The following TMEFF2 variants were observed in gnomAD, a reference collection of about 807,000 sequenced individuals.
The protein encoded by TMEFF2 is tomoregulin-2.
In TMEFF2, 28 loss-of-function variants were observed where a neutral mutation model predicts 53.8. That is an observed-to-expected ratio of 0.52 (90% CI 0.39 to 0.71). TMEFF2 has a LOEUF of 0.71. Ranked by LOEUF, TMEFF2 falls within the 30% of genes least tolerant of loss-of-function variation. TMEFF2 has a pLI of 0.00. For missense variants in TMEFF2, 353 were observed against 455.2 expected (o/e 0.78, Z 2.04); for synonymous variants, 162 against 166.3 (o/e 0.97, Z 0.20).
intron 4 of TMEFF2, among the ~76,000 whole-genome samples, chr2:192,084,117 C>A (rs1688613704): frequency 1.3e-5 from 2 of 152,146 alleles, no homozygotes; most frequent in African/African-American, 4.8e-5. Context: ...CATCACACAA[C>A]TCATCGTGGT....
At chr2:191,953,653 G>A (rs766552473) in intron 9 of TMEFF2, 26 bp downstream of exon 9, 2 of 1,609,418 alleles carry the variant, frequency 1.2e-6, no homozygotes, top group African/African-American at 1.3e-5. Flanking sequence ...CCTTTATTTG[G>A]GTAGCCACCA....
intron 2 of TMEFF2, among the ~76,000 whole-genome samples, chr2:192,188,811 C>T (rs1300822668): frequency 6.6e-6 from 1 of 151,160 alleles, no homozygotes; most frequent in African/African-American, 2.4e-5. Flanking sequence ...CCCTCCCTTC[C>T]TTCCTCCCCG....
chr2:192,008,307 CGTCCCTCTTCA>C (rs1686548615), intron 5 of TMEFF2, among the ~76,000 whole-genome samples: 2 of 152,194 alleles, frequency 1.3e-5, no homozygotes, highest in South Asian at 4.1e-4. Flanking sequence ...GTTGCTCCCA[CGTCCCTCTTCA>C]GTGCATATGA....
At chr2:192,131,336 C>A (rs1216930289) in intron 4 of TMEFF2, among the ~76,000 whole-genome samples, 1 of 151,290 alleles carries the variant, frequency 6.6e-6, no homozygotes, top group Non-Finnish European at 1.5e-5. Flanking sequence ...TTGTCTCTAC[C>A]CCTTCTCTGC....
At chr2:191,979,204 C>A (rs959421169) in intron 7 of TMEFF2, among the ~76,000 whole-genome samples, 1 of 152,032 alleles carries the variant, frequency 6.6e-6, no homozygotes, top group Non-Finnish European at 1.5e-5. Context: ...CCTTTAGGAC[C>A]CCACCTGAAA....
intron 7 of TMEFF2, among the ~76,000 whole-genome samples, chr2:191,972,440 G>A (rs1377426230): frequency 6.6e-6 from 1 of 150,408 alleles, no homozygotes; most frequent in Admixed American, 6.7e-5. Context: ...TGGGATTACA[G>A]GCATGAACCA....
chr2:192,008,236 A>G (rs1686546692), intron 5 of TMEFF2, among the ~76,000 whole-genome samples: 1 of 152,216 alleles, frequency 6.6e-6, no homozygotes, highest in South Asian at 2.1e-4. Context: ...CCACAGGGGC[A>G]GCAGAGACTT....
rs181889664 is a variant in TMEFF2 at position 192,166,299 on chromosome 2, C to T, written c.439+13369G>A. Reference sequence around the variant, plus strand: ...CAGAGAGGGCTCAGAAGAGAGTTATCGGAATGCCTATGTTGCCATACCATG... The same window carrying T: ...CAGAGAGGGCTCAGAAGAGAGTTATTGGAATGCCTATGTTGCCATACCATG... On this transcript the variant is annotated intron_variant, in intron 4 of 9. Coordinates refer to ENST00000272771, the MANE Select transcript of TMEFF2 (RefSeq NM_016192.4). Among the ~76,000 whole-genome samples, 347 of 152,224 alleles carry T rather than the reference C, an allele frequency of 2.3e-3. 3 individuals are homozygous for T. The highest frequency in any genetic ancestry group is 7.9e-3 in the African/African-American group (330 of 41,554).
intron 4 of TMEFF2, among the ~76,000 whole-genome samples, chr2:192,113,504 G>C (rs1689332256): frequency 6.6e-6 from 1 of 151,858 alleles, no homozygotes; most frequent in South Asian, 2.1e-4. Flanking sequence ...TTTTTGTTTG[G>C]GATATTTCTT....
intron 7 of TMEFF2, among the ~76,000 whole-genome samples, chr2:191,981,895 T>C (rs1262137448): frequency 6.6e-6 from 1 of 152,192 alleles, no homozygotes; most frequent in African/African-American, 2.4e-5. Context: ...TCGTAGGTCT[T>C]AGGTTGCTTT....
intron 5 of TMEFF2, among the ~76,000 whole-genome samples, chr2:192,052,640 TC>T (rs1411887459): frequency 2.8e-5 from 2 of 72,720 alleles, no homozygotes; most frequent in Non-Finnish European, 7.7e-5. Flanking sequence ...TATAAGCCAT[TC>T]TTCTTCTTTA....
At chr2:192,163,710 CT>C (rs1040232468) in intron 4 of TMEFF2, among the ~76,000 whole-genome samples, 37 of 152,256 alleles carry the variant, frequency 2.4e-4, no homozygotes, top group African/African-American at 7.7e-4. Context: ...AATGCATGGG[CT>C]TTGGTTTTTA....
At chr2:191,971,322 ATAAAACATGTACAAAT>A (rs574408867) in intron 7 of TMEFF2, among the ~76,000 whole-genome samples, 52 of 152,374 alleles carry the variant, frequency 3.4e-4, no homozygotes, top group Non-Finnish European at 6.2e-4. Context: ...AATAGGGGTT[ATAAAACATGTACAAAT>A]TTGAATTTGG....
At chr2:192,184,087 T>C (rs3820724) in intron 3 of TMEFF2, among the ~76,000 whole-genome samples, 1 of 152,230 alleles carries the variant, frequency 6.6e-6, no homozygotes, top group East Asian at 1.9e-4. Context: ...ATATGTGGCT[T>C]TTATTCAACC....
intron 4 of TMEFF2, among the ~76,000 whole-genome samples, chr2:192,155,781 G>A (rs1043735646): frequency 4.6e-5 from 7 of 151,950 alleles, no homozygotes; most frequent in African/African-American, 1.4e-4. Context: ...AATAAGCAGA[G>A]GCCTGGTTTT....
chr2:191,992,002 T>C (rs899500610), intron 7 of TMEFF2, among the ~76,000 whole-genome samples: 2 of 152,144 alleles, frequency 1.3e-5, no homozygotes, highest in Admixed American at 6.6e-5. Context: ...GAAAGCTTTA[T>C]GAATTTTGCA....
intron 5 of TMEFF2, chr2:192,035,499 G>GT: frequency 6.6e-6 from 1 of 152,222 alleles, no homozygotes; most frequent in East Asian, 1.9e-4. Context: ...CAGCTCCTCA[G>GT]TTTTTTCTTC....
intron 4 of TMEFF2, among the ~76,000 whole-genome samples, chr2:192,081,884 G>C (rs1001734662): frequency 1.6e-4 from 23 of 146,778 alleles, no homozygotes; most frequent in Non-Finnish European, 2.8e-4. Context: ...TCCTGCAAGC[G>C]CCACCTCCCG....
chr2:192,120,514 G>T (rs1224129315), intron 4 of TMEFF2, among the ~76,000 whole-genome samples: 1 of 152,144 alleles, frequency 6.6e-6, no homozygotes, highest in African/African-American at 2.4e-5. Context: ...GCCCTGTGAG[G>T]CATAAAATCC....
Sources: allele counts gnomAD v4.1 joint callset (sites outside exome capture counted in the v4.1 genomes callset), GRCh38; gene constraint gnomAD v4.1.1; transcripts MANE v1.5; gene names NCBI Gene and HGNC (gene_info 2026-07-23, HGNC 2026-07-21).